The following NWD1 variants were observed in gnomAD, a reference collection of about 807,000 sequenced individuals.
The protein encoded by NWD1 is NACHT domain- and WD repeat-containing protein 1.
Under a neutral mutation model 135.1 loss-of-function variants are expected in NWD1, and 129 were observed. The observed-to-expected ratio is 0.96, with a 90% CI of 0.83 to 1.11. NWD1 has a LOEUF of 1.11. NWD1 is among the 50% of genes least tolerant of loss of function. The pLI, the probability that NWD1 is intolerant of heterozygous loss-of-function variation, is 0.00. For missense variants in NWD1, 1,740 were observed against 1,851.3 expected (o/e 0.94, Z 1.10); for synonymous variants, 773 against 786.0 (o/e 0.98, Z 0.28).
chr19:16,789,616 C>T (rs539308893), intron 13 of NWD1, among the ~76,000 whole-genome samples: 65 of 151,718 alleles, frequency 4.3e-4, no homozygotes, highest in African/African-American at 1.5e-3. Context: ...TGGATAGGGT[C>T]CTGTTCTGTA....
At chr19:16,810,934 T>C (rs1426679702) in intron 18 of NWD1, among the ~76,000 whole-genome samples, 2 of 152,176 alleles carry the variant, frequency 1.3e-5, no homozygotes, top group African/African-American at 4.8e-5. Flanking sequence ...GGTGCAATCA[T>C]AGTTCACTGT....
At chr19:16,756,229 G>A (rs745306543) in intron 6 of NWD1, among the ~76,000 whole-genome samples, 2 of 152,114 alleles carry the variant, frequency 1.3e-5, no homozygotes, top group Non-Finnish European at 2.9e-5. Context: ...TTGAGCCTGG[G>A]TGACAGAGCA....
intron 11 of NWD1, among the ~76,000 whole-genome samples, chr19:16,773,939 T>TATCCATCC (rs200226720): frequency 5.7e-4 from 71 of 124,496 alleles, no homozygotes; most frequent in Admixed American, 4.7e-3. Context: ...TCCATCCATC[T>TATCCATCC]ATCCATCCAT....
chr19:16,807,998 C>G lies in NWD1; in HGVS notation c.4149C>G (p.Pro1383=), dbSNP rs1298421505. The part of the protein sequence containing the change: ...LYECATSKAF[P]LETHRSRVAC... ...AGTGTGCAACTTCCAAAGCGTTTCC[C>G]TTGGAGACCCACAGGAGCCGAGTTG... The change falls in exon 18 of 19, where the codon CCC becomes CCG. Residue 1383 remains proline (P), a synonymous_variant. Transcript: ENST00000524140. The G allele has an allele frequency of 1.2e-6, 2 of 1,614,140 alleles. No homozygotes were observed. The highest frequency in any genetic ancestry group is 3.3e-5 in the Admixed American group (2 of 59,996).
In NWD1 at chr19:16,773,262, C is replaced by T. The variant is rs112843350; in HGVS notation, c.2547C>T (p.Leu849=). Residue 849 remains leucine (L), a synonymous_variant, in exon 11 of 19, where the codon CTC becomes CTT. Transcript: ENST00000524140. Reference sequence around the variant, plus strand: ...GCGCACACCCTGTGCTGGTGCCCCTCGGAGGATTCCTCCAGCCCCCGGGAG... The same window carrying T: ...GCGCACACCCTGTGCTGGTGCCCCTTGGAGGATTCCTCCAGCCCCCGGGAG... ...QLCAHPVLVP[L]GGFLQPPGGP... The T allele has an allele frequency of 1.7e-5, 28 of 1,613,560 alleles. No individual in the cohort carries two copies. Among genetic ancestry groups the T allele is most frequent in the African/African-American group, 9.3e-5 (7 of 75,044 alleles).
intron 10 of NWD1, among the ~76,000 whole-genome samples, chr19:16,765,971 C>T (rs539098776): frequency 6.2e-5 from 9 of 145,528 alleles, no homozygotes; most frequent in Non-Finnish European, 8.9e-5. Flanking sequence ...GAGCCGAGAT[C>T]GCACCACTGC....
intron 2 of NWD1, among the ~76,000 whole-genome samples, chr19:16,725,338 C>T (rs1055236274): frequency 1.3e-5 from 2 of 151,070 alleles, no homozygotes; most frequent in Admixed American, 6.6e-5. Flanking sequence ...ATTAACCAGA[C>T]GTGATGGTGC....
intron 11 of NWD1, among the ~76,000 whole-genome samples, chr19:16,777,951 G>A (rs1479802199): frequency 7.6e-6 from 1 of 131,828 alleles, no homozygotes; most frequent in African/African-American, 2.9e-5. Context: ...GGGAAGGAAA[G>A]GAAAGGGAGG....
intron 5 of NWD1, among the ~76,000 whole-genome samples, chr19:16,747,397 G>A (rs947521567): frequency 4.7e-5 from 7 of 147,974 alleles, no homozygotes; most frequent in Admixed American, 2.0e-4. Flanking sequence ...TTTTTTTTGA[G>A]ACAAGGTCTT....
At chr19:16,758,659 G>C (rs749337340) in intron 6 of NWD1, among the ~76,000 whole-genome samples, 10 of 152,000 alleles carry the variant, frequency 6.6e-5, no homozygotes, top group Admixed American at 2.6e-4. Flanking sequence ...TATTTTCCTT[G>C]AGTTACCACT....
At chr19:16,722,234 G>A (rs570696906) in intron 1 of NWD1, among the ~76,000 whole-genome samples, 4 of 151,700 alleles carry the variant, frequency 2.6e-5, no homozygotes, top group Non-Finnish European at 5.9e-5. Flanking sequence ...AGGAGATGGA[G>A]GCTGCAGTGA....
rs1568382136 is a variant in NWD1, at chr19:16,789,158, C to T, written c.2908C>T (p.His970Tyr). 6.2e-7 allele frequency: 1 copy of T among 1,614,064 alleles called. No homozygotes were observed. Among genetic ancestry groups the T allele is most frequent in the East Asian group, 2.2e-5 (1 of 44,888 alleles). ...CTGGAACCTTCATGTGGATGAGGCA[C>T]ACAAAGTTGTGTATTCAGCATCTGG... ...QIWNLHVDEA[H>Y]KVVYSASGSK... is the part of the protein sequence containing the mutation. The change falls in exon 13 of 19, where the codon CAC becomes TAC. Residue 970 changes from histidine to tyrosine, a missense_variant. His to Tyr is a moderately conservative substitution (Grantham distance 83, BLOSUM62 2). Coordinates refer to ENST00000524140, the MANE Select transcript of NWD1 (RefSeq NM_001007525.5).
Position 16,797,830 on chromosome 19 carries a change from G to A in NWD1, c.3403G>A (p.Val1135Ile). Reference sequence around the variant, plus strand: ...ACATGAAGACATGGTGGAGACGGCTGTTTTTGGTACTGAGAACAACCTGAT... The same window carrying A: ...ACATGAAGACATGGTGGAGACGGCTATTTTTGGTACTGAGAACAACCTGAT... ...LEHEDMVETA[V>I]FGTENNLIIT... is the part of the protein sequence containing the mutation. Residue 1135 changes from valine (V) to isoleucine (I), a missense_variant, in exon 16 of 19, where the codon GTT (valine) becomes ATT (isoleucine). Transcript: ENST00000524140. 6.2e-7 allele frequency: 1 copy of A among 1,614,094 alleles called. No homozygotes were observed. Among genetic ancestry groups the A allele is most frequent in the Non-Finnish European group, 8.5e-7 (1 of 1,179,952 alleles).
intron 12 of NWD1, among the ~76,000 whole-genome samples, chr19:16,779,677 G>T (rs1969787747): frequency 6.6e-6 from 1 of 152,054 alleles, no homozygotes; most frequent in Admixed American, 6.6e-5. Flanking sequence ...TCACTGTATT[G>T]CCCAGGCTGG....
At chr19:16,733,156 G>A (rs10451505) in intron 3 of NWD1, among the ~76,000 whole-genome samples, 46,321 of 151,422 alleles carry the variant, frequency 0.31, 8,101 homozygotes, top group African/African-American at 0.47. Context: ...AGGAGTTTGA[G>A]GCTGCAGTGA....
At chr19:16,732,492 G>T (rs1967610829) in intron 3 of NWD1, among the ~76,000 whole-genome samples, 2 of 151,288 alleles carry the variant, frequency 1.3e-5, no homozygotes, top group African/African-American at 4.9e-5. Flanking sequence ...GGGCATGGAG[G>T]TTGGACATGC....
At position 16,814,341 on chromosome 19, in the gene NWD1, C is replaced by T. The variant is rs765944711; in HGVS notation, c.4288-687C>T. ...GAGGCTGACCTTCCTGATTTCAGTACGCCTTTGTCACTTTCTTACACTGTC... is the reference window on the plus strand; with the variant it reads ...GAGGCTGACCTTCCTGATTTCAGTATGCCTTTGTCACTTTCTTACACTGTC... On this transcript the variant is annotated intron_variant, in intron 18 of 18. Transcript: ENST00000524140. 8.5e-5 allele frequency among the ~76,000 whole-genome samples: 13 copies of T among 152,122 alleles called. 1 individual carries two copies. The highest frequency in any genetic ancestry group is 6.2e-4 in the South Asian group (3 of 4,828).
intron 3 of NWD1, among the ~76,000 whole-genome samples, chr19:16,736,236 T>TTC (rs1555717146): frequency 5.7e-3 from 56 of 9,828 alleles, no homozygotes; most frequent in Admixed American, 7.6e-3. Flanking sequence ...TACCTTCCTC[T>TTC]CTCTCTTTCT....
chr19:16,798,194 T>A (rs1970483830), intron 16 of NWD1, among the ~76,000 whole-genome samples: 1 of 152,160 alleles, frequency 6.6e-6, no homozygotes, highest in South Asian at 2.1e-4. Context: ...TTCAAAGTTG[T>A]CCAAGCTGGA....
Sources: allele counts gnomAD v4.1 joint callset (sites outside exome capture counted in the v4.1 genomes callset), GRCh38; gene constraint gnomAD v4.1.1; transcripts MANE v1.5; gene names NCBI Gene and HGNC (gene_info 2026-07-23, HGNC 2026-07-21).